The following FOXJ2 variants were observed in gnomAD, a reference collection of about 807,000 sequenced individuals.
The protein encoded by FOXJ2 is forkhead box protein J2.
FOXJ2 carries 18 observed loss-of-function variants against 68.4 expected under a neutral mutation model. The observed-to-expected ratio is 0.26, with a 90% confidence interval of 0.18 to 0.39. The LOEUF (loss-of-function observed/expected upper bound fraction) is 0.39, where lower values mean the gene tolerates loss of function less well. Ranked by LOEUF, FOXJ2 falls within the 10% of genes least tolerant of loss-of-function variation. FOXJ2 has a pLI of 1.00. For missense variants in FOXJ2, 670 were observed against 726.5 expected (o/e 0.92, Z 0.89); for synonymous variants, 274 against 263.2 (o/e 1.04, Z -0.40).
chr12:8,046,845 T>C (rs1947043149), intron 6 of FOXJ2, among the ~76,000 whole-genome samples: 1 of 152,196 alleles, frequency 6.6e-6, no homozygotes, highest in South Asian at 2.1e-4. Context: ...TTTCTTCTTG[T>C]ATATCACAGG....
At position 8,049,576 on chromosome 12, in the gene FOXJ2, T is replaced by C; in HGVS notation, c.1537+5T>C. On this transcript the variant is annotated splice_donor_5th_base_variant and intron_variant, in intron 9 of 10. Coordinates refer to ENST00000162391, the MANE Select transcript of FOXJ2 (RefSeq NM_018416.3). ...AGGAGTCAGCCATGAGCCAAGGTAC[T>C]GCACCAAGCCAGTTGCCATGGAGGT... The C allele has an allele frequency of 6.4e-7, 1 of 1,571,252 alleles. No homozygotes were observed. The highest frequency in any genetic ancestry group is 1.4e-5 in the African/African-American group (1 of 73,760).
intron 9 of FOXJ2, 161 bp downstream of exon 9, chr12:8,049,732 G>T: frequency 1.6e-6 from 1 of 622,014 alleles, no homozygotes; most frequent in Non-Finnish European, 2.7e-6. Context: ...TTGAATCAGT[G>T]AAGTCCTAAA....
rs982084972 is a variant in FOXJ2, at chr12:8,054,605, C to A, written c.*1755C>A. 3 of 152,578 alleles carry A rather than the reference C, an allele frequency of 2.0e-5. No homozygotes were observed. Among genetic ancestry groups the A allele is most frequent in the African/African-American group, 7.2e-5 (3 of 41,426 alleles). 9.5% of individuals were successfully genotyped at this position (152,578 alleles called of 1,614,324 possible). A position where few individuals can be genotyped will look rare whatever the true frequency, so the allele number is the denominator to read the frequency against. On this transcript the variant is annotated 3_prime_UTR_variant, in exon 11 of 11. Transcript: ENST00000162391. ...CAAGATAGGGCAGTTAACTAAAGAG[C>A]ACTTTATTTCTTTGAAGCCTTTCTA... is the stretch of plus-strand genomic sequence containing the variant.
chr12:8,044,172 T>C lies in FOXJ2; in HGVS notation c.618+81T>C, dbSNP rs960511212. The C allele has an allele frequency of 8.5e-6, 12 of 1,403,726 alleles. No individual in the cohort carries two copies. The Admixed American group carries it at 1.1e-4, about 13-fold the overall frequency. 87.0% of individuals were successfully genotyped at this position (1,403,726 alleles called of 1,614,324 possible). A position where few individuals can be genotyped will look rare whatever the true frequency, so the allele number is the denominator to read the frequency against. ...CTCCCTGTTTATTCAGAATTATGTA[T>C]TGAGTATCTGTGATATATGAGGCAG... is the stretch of plus-strand genomic sequence containing the variant. On this transcript the variant is annotated intron_variant, in intron 5 of 10. Coordinates refer to ENST00000162391, the MANE Select transcript of FOXJ2 (RefSeq NM_018416.3).
Position 8,054,569 on chromosome 12 carries a change from A to G in FOXJ2, c.*1719A>G, listed in dbSNP as rs1037495767. The G allele has an allele frequency of 2.0e-5, 3 of 152,626 alleles. No individual in the cohort carries two copies. In the South Asian group the frequency reaches 6.2e-4, roughly 32 times the overall value. The allele number at this position is 152,626 out of a possible 1,614,324, so 9.5% of individuals were successfully genotyped here. ...TCATTGAAGAAGTCCAGTGAGGCTG[A>G]AGTAAAGGGGCAAGATAGGGCAGTT... On this transcript the variant is annotated 3_prime_UTR_variant, in exon 11 of 11. Coordinates refer to ENST00000162391, the MANE Select transcript of FOXJ2 (RefSeq NM_018416.3).
At chr12:8,050,482 GCCC>G in intron 9 of FOXJ2, 37 bp from the exon 10 acceptor site, 1 of 1,592,384 alleles carries the variant, frequency 6.3e-7, no homozygotes, top group Non-Finnish European at 8.5e-7. Flanking sequence ...ACAGTGACCC[GCCC>G]CCCCCAACTC....
chr12:8,045,809 C>T (rs1947028733), intron 6 of FOXJ2, among the ~76,000 whole-genome samples: 1 of 151,878 alleles, frequency 6.6e-6, no homozygotes, highest in African/African-American at 2.4e-5. Flanking sequence ...AGGCTCCCGC[C>T]ACCACGCCTG....
chr12:8,052,312 G>C (rs778920141), intron 10 of FOXJ2, among the ~76,000 whole-genome samples: 2 of 150,710 alleles, frequency 1.3e-5, no homozygotes, highest in African/African-American at 4.9e-5. Context: ...AAGACCTCCC[G>C]GGTTCATGCC....
At chr12:8,050,482 GC>G (rs751587948) in intron 9 of FOXJ2, 39 bp from the exon 10 acceptor site, 120 of 1,592,138 alleles carry the variant, frequency 7.5e-5, no homozygotes, top group Admixed American at 9.2e-5. Flanking sequence ...ACAGTGACCC[GC>G]CCCCCCCAAC....
At position 8,052,837 on chromosome 12, in the gene FOXJ2, A is replaced by G; in HGVS notation, c.1712A>G (p.Asp571Gly). 1 of 1,605,264 alleles carries G rather than the reference A, an allele frequency of 6.2e-7. No homozygotes were observed. The highest frequency in any genetic ancestry group is 8.5e-7 in the Non-Finnish European group (1 of 1,174,680). Residue 571 changes from aspartate (D) to glycine (G), a missense_variant, in exon 11 of 11, where the codon GAC becomes GGC. Asp to Gly is a moderately conservative substitution (Grantham distance 94, BLOSUM62 -1). This residue lies in a region of FOXJ2 where 555 missense variants were observed against 562.2 expected (regional missense o/e 0.99). Coordinates refer to ENST00000162391, the MANE Select transcript of FOXJ2 (RefSeq NM_018416.3). ...GAGATCCCTGATGACTTCGACTGGG[A>G]CTTGATCACTTAGTGCATCACAGAG... is the stretch of plus-strand genomic sequence containing the variant. ...NEEIPDDFDW[D>G]LIT
rs201863216 is a variant in FOXJ2 at position 8,048,125 on chromosome 12, C to T, written c.1061C>T (p.Ala354Val). The T allele has an allele frequency of 1.4e-4, 231 of 1,612,930 alleles. No homozygotes were observed. The highest frequency in any genetic ancestry group is 2.7e-4 in the Admixed American group (16 of 59,924). Reference protein sequence around the residue: ...CTPPGGKQAGAEGYGPPPVMA... With the variant: ...CTPPGGKQAGVEGYGPPPVMA... Reference sequence around the variant, plus strand: ...CCACCAGGGGGAAAGCAAGCTGGGGCGGAAGGCTATGGGCCTCCCCCTGTA... The same window carrying T: ...CCACCAGGGGGAAAGCAAGCTGGGGTGGAAGGCTATGGGCCTCCCCCTGTA... The change falls in exon 7 of 11, where the codon GCG (alanine) becomes GTG (valine). Residue 354 changes from alanine (A) to valine (V), a missense_variant. Physicochemically the swap from Ala to Val is moderately conservative, Grantham distance 64. Coordinates refer to ENST00000162391, the MANE Select transcript of FOXJ2 (RefSeq NM_018416.3).
At position 8,048,036 on chromosome 12, in the gene FOXJ2, C is replaced by T. The variant is rs1325632030; in HGVS notation, c.972C>T (p.Ala324=). 5.6e-6 allele frequency: 9 copies of T among 1,613,656 alleles called. No individual in the cohort carries two copies. The highest frequency in any genetic ancestry group is 7.6e-6 in the Non-Finnish European group (9 of 1,179,810). ...QSQPQQQQAP[A]QGPSAVGGAP... is the part of the protein sequence containing the mutation. The stretch of plus-strand genomic sequence containing the variant: ...AGCCACAGCAGCAGCAGGCACCTGC[C>T]CAGGGCCCCTCAGCTGTAGGGGGTG... Residue 324 remains alanine (A), a synonymous_variant, in exon 7 of 11, where the codon GCC becomes GCT. Transcript: ENST00000162391.
chr12:8,052,629 C>A, intron 10 of FOXJ2, 133 bp from the exon 11 acceptor site: 1 of 663,616 alleles, frequency 1.5e-6, no homozygotes, highest in Non-Finnish European at 2.6e-6. Flanking sequence ...CCAAAATTAA[C>A]TCCAGCTGAT....
At chr12:8,049,697 A>G (rs1349522866) in intron 9 of FOXJ2, 126 bp downstream of exon 9, 3 of 784,018 alleles carry the variant, frequency 3.8e-6, no homozygotes, top group East Asian at 2.8e-5. Context: ...CAGTGGAACT[A>G]GTTTATCAGT....
At chr12:8,039,126 C>T (rs1946933577) in intron 1 of FOXJ2, among the ~76,000 whole-genome samples, 1 of 151,998 alleles carries the variant, frequency 6.6e-6, no homozygotes, top group Admixed American at 6.6e-5. Flanking sequence ...TGACTTTGTC[C>T]TCTGGTGGTA....
chr12:8,045,106 C>G, intron 6 of FOXJ2, 148 bp downstream of exon 6: 2 of 761,220 alleles, frequency 2.6e-6, no homozygotes, highest in Non-Finnish European at 4.1e-6. Flanking sequence ...TGCAGTGGCA[C>G]GATCTGAGCT....
At chr12:8,043,887 A>G in intron 4 of FOXJ2, 64 bp from the exon 5 acceptor site, 1 of 1,585,136 alleles carries the variant, frequency 6.3e-7, no homozygotes, top group Non-Finnish European at 8.6e-7. Flanking sequence ...CAGAGGGGAA[A>G]CCATGGGTCT....
intron 10 of FOXJ2, among the ~76,000 whole-genome samples, chr12:8,052,224 A>G (rs1470961727): frequency 6.8e-6 from 1 of 147,468 alleles, no homozygotes; most frequent in Non-Finnish European, 1.5e-5. Flanking sequence ...TCAGAAGTAC[A>G]ATTTTTTTTT....
At chr12:8,051,150 A>C (rs1947121232) in intron 10 of FOXJ2, among the ~76,000 whole-genome samples, 1 of 91,362 alleles carries the variant, frequency 1.1e-5, no homozygotes, top group Admixed American at 1.3e-4. Flanking sequence ...TTTTCTTTTC[A>C]ACAGAGTCTC....
Sources: allele counts gnomAD v4.1 joint callset (sites outside exome capture counted in the v4.1 genomes callset), GRCh38; gene constraint gnomAD v4.1.1; regional missense constraint gnomAD v4.1.1; transcripts MANE v1.5; gene names NCBI Gene and HGNC (gene_info 2026-07-23, HGNC 2026-07-21).